Variants in CHAF1A observed in about 807,000 individuals in gnomAD.
CHAF1A encodes the protein chromatin assembly factor 1 subunit A.
A neutral mutation model predicts 93.2 loss-of-function variants in CHAF1A; 5 were observed. The observed-to-expected ratio is 0.05, with a 90% CI of 0.03 to 0.11. The LOEUF (loss-of-function observed/expected upper bound fraction) is 0.11. CHAF1A is among the 10% of genes least tolerant of loss of function. The pLI, the probability that CHAF1A is intolerant of heterozygous loss-of-function variation, is 1.00. For missense variants in CHAF1A, 1,102 were observed against 1,259.9 expected (o/e 0.87, Z 1.90); for synonymous variants, 504 against 510.3 (o/e 0.99, Z 0.17).
At chr19:4,430,242 A>G (rs1974157010) in intron 10 of CHAF1A, 6 of 362,066 alleles carry the variant, frequency 1.7e-5, no homozygotes, top group Non-Finnish European at 3.1e-5. Flanking sequence ...CAGTGGCGCG[A>G]TTTCGGCTCA....
chr19:4,436,228 TGCC>T (rs917557530), intron 13 of CHAF1A, among the ~76,000 whole-genome samples: 12 of 152,284 alleles, frequency 7.9e-5, no homozygotes, highest in African/African-American at 2.6e-4. Context: ...ATCTCCCTGC[TGCC>T]AGCACACAGC....
chr19:4,433,029 G>A lies in CHAF1A; in HGVS notation c.2204-41G>A, dbSNP rs8112822. The A allele has an allele frequency of 0.021, 31,068 of 1,451,926 alleles. 855 individuals are homozygous for A. The highest frequency in any genetic ancestry group is 0.13 in the African/African-American group (9,353 of 70,738). The allele number at this position is 1,451,926 out of a possible 1,614,324, so 89.9% of individuals were successfully genotyped here. ...GTTTTTTGGCCTGTGGTGATGGGTG[G>A]CTCCCCAAGCCTCATGCCCACCCAT... On this transcript the variant is annotated intron_variant, in intron 12 of 14. Transcript: ENST00000301280. This position sits in a 1 kb window ranked among gnomAD's most constrained non-coding sequence, Gnocchi z 5.6.
chr19:4,436,675 G>A (rs537757005), intron 13 of CHAF1A, among the ~76,000 whole-genome samples: 2 of 152,142 alleles, frequency 1.3e-5, no homozygotes, highest in Non-Finnish European at 2.9e-5. Context: ...TCCCTCAGAT[G>A]TTCCTTTGGG....
chr19:4,419,806 C>G (rs143968772), intron 4 of CHAF1A, among the ~76,000 whole-genome samples: 1 of 152,142 alleles, frequency 6.6e-6, no homozygotes, highest in African/African-American at 2.4e-5. Flanking sequence ...CTCCGAGTCC[C>G]GCACACCGGG....
rs758342350 is a variant in CHAF1A, at chr19:4,423,386, A to G, written c.1299A>G (p.Glu433=). ...RKKEEEKRLR[E]EEKRIKAEKA... is the part of the protein sequence containing the mutation. The stretch of plus-strand genomic sequence containing the variant: ...AGGAAGAAGAGAAACGGTTAAGAGA[A>G]GAAGAGAAGGTAGAGTGTTTCCCAC... Residue 433 remains glutamate, a synonymous_variant, in exon 6 of 15, where the codon GAA becomes GAG. Coordinates refer to ENST00000301280, the MANE Select transcript of CHAF1A (RefSeq NM_005483.3). 29 of 1,614,138 alleles carry G rather than the reference A, an allele frequency of 1.8e-5. No individual in the cohort carries two copies. Among genetic ancestry groups the G allele is most frequent in the Middle Eastern group, 1.6e-4 (1 of 6,062 alleles).
At chr19:4,435,513 G>T (rs1974268153) in intron 13 of CHAF1A, among the ~76,000 whole-genome samples, 1 of 151,978 alleles carries the variant, frequency 6.6e-6, no homozygotes, top group Admixed American at 6.6e-5. Flanking sequence ...AGCTGAGAGG[G>T]ACTACAGGTG....
At chr19:4,437,421 C>G (rs1046635681) in intron 13 of CHAF1A, among the ~76,000 whole-genome samples, 1 of 152,158 alleles carries the variant, frequency 6.6e-6, no homozygotes, top group African/African-American at 2.4e-5. Context: ...GCAGTCACAG[C>G]TCACCGCAGC....
intron 13 of CHAF1A, among the ~76,000 whole-genome samples, chr19:4,436,916 T>G (rs1488107262): frequency 6.6e-6 from 1 of 152,150 alleles, no homozygotes; most frequent in Non-Finnish European, 1.5e-5. Context: ...TTACTGTGCT[T>G]CGGGGGCAGT....
intron 2 of CHAF1A, 28 bp downstream of exon 2, chr19:4,405,990 T>A (rs751267661): frequency 1.9e-6 from 3 of 1,573,892 alleles, no homozygotes; most frequent in Non-Finnish European, 2.6e-6. Context: ...GGTTAAAGAG[T>A]TGTTCGTAGT....
intron 13 of CHAF1A, among the ~76,000 whole-genome samples, chr19:4,441,292 G>T (rs1974383894): frequency 1.3e-5 from 2 of 150,944 alleles, no homozygotes; most frequent in African/African-American, 4.9e-5. Flanking sequence ...ACTCCAGCCT[G>T]GATATATGGC....
At chr19:4,418,133 G>A in intron 4 of CHAF1A, 57 bp downstream of exon 4, 1 of 1,216,104 alleles carries the variant, frequency 8.2e-7, no homozygotes, top group Non-Finnish European at 1.2e-6. Context: ...GCATTAAATA[G>A]TAAGCAAAGC....
In CHAF1A at chr19:4,422,925, C is replaced by T. The variant is rs1011694865; in HGVS notation, c.1247+130C>T. 6.8e-5 allele frequency: 60 copies of T among 884,818 alleles called. No homozygotes were observed. Among genetic ancestry groups the T allele is most frequent in the Non-Finnish European group, 7.1e-5 (41 of 578,034 alleles). The allele number at this position is 884,818 out of a possible 1,614,324, so 54.8% of individuals were successfully genotyped here. On this transcript the variant is annotated intron_variant, in intron 5 of 14. Transcript: ENST00000301280. This position sits in a 1 kb window ranked among gnomAD's most constrained non-coding sequence, Gnocchi z 4.6. ...CTTCAGTTCCTTCCCATTTCTCCTT[C>T]GTGAGGTGCCCGTGGGGCCCTGACG...
downstream of CHAF1A, chr19:4,448,062 T>A (rs544593126): frequency 4.6e-5 from 26 of 560,332 alleles, no homozygotes; most frequent in Non-Finnish European, 7.7e-5. Context: ...CTCCTCCACA[T>A]GTTCCCCAAG....
At chr19:4,441,473 TGGCATACACCTG>T (rs991224085) in intron 13 of CHAF1A, among the ~76,000 whole-genome samples, 2 of 151,818 alleles carry the variant, frequency 1.3e-5, no homozygotes, top group African/African-American at 4.8e-5. Flanking sequence ...CTGGGCGTGA[TGGCATACACCTG>T]TAATCCCAGC....
chr19:4,415,773 A>G (rs2145088551), intron 3 of CHAF1A, among the ~76,000 whole-genome samples: 1 of 152,276 alleles, frequency 6.6e-6, no homozygotes, highest in Non-Finnish European at 1.5e-5. Context: ...GGTTTAGTCC[A>G]GAAAGGACTC....
chr19:4,415,966 G>A (rs1014361557), intron 3 of CHAF1A, among the ~76,000 whole-genome samples: 11 of 152,136 alleles, frequency 7.2e-5, no homozygotes, highest in African/African-American at 2.7e-4. Flanking sequence ...GAGGTCAGGA[G>A]ATCGAGACCA....
At chr19:4,441,456 A>G (rs1974386893) in intron 13 of CHAF1A, among the ~76,000 whole-genome samples, 1 of 151,790 alleles carries the variant, frequency 6.6e-6, no homozygotes, top group Non-Finnish European at 1.5e-5. Flanking sequence ...AAAAATACAA[A>G]AATTAGCTGG....
chr19:4,438,427 G>A (rs780933270), intron 13 of CHAF1A, among the ~76,000 whole-genome samples: 5 of 151,810 alleles, frequency 3.3e-5, no homozygotes, highest in Non-Finnish European at 7.4e-5. Context: ...TTGAACTTGT[G>A]GGCTCAAGCA....
intron 2 of CHAF1A, among the ~76,000 whole-genome samples, chr19:4,406,308 C>T (rs1012407552): frequency 2.0e-5 from 3 of 152,214 alleles, no homozygotes; most frequent in Non-Finnish European, 4.4e-5. Flanking sequence ...TGGCTGATGT[C>T]CCCTGGGAGG....
Sources: gnomAD v4.1 joint callset for allele counts (sites outside exome capture counted in the v4.1 genomes callset) on GRCh38, gnomAD v4.1.1 for gene constraint, Gnocchi (gnomAD v3.1) non-coding constraint, MANE v1.5 for transcripts, NCBI Gene and HGNC (gene_info 2026-07-23, HGNC 2026-07-21) for gene names.